The following PPP1R16B variants were observed in gnomAD, a reference collection of about 807,000 sequenced individuals.
PPP1R16B encodes protein phosphatase 1 regulatory subunit 16B.
PPP1R16B carries 14 observed loss-of-function variants against 61.7 expected under a neutral mutation model. The observed-to-expected ratio is 0.23, with a 90% CI of 0.15 to 0.35. The LOEUF (loss-of-function observed/expected upper bound fraction) is 0.35, where lower values mean the gene tolerates loss of function less well. Among genes scored for constraint, PPP1R16B ranks in the 10% least tolerant of loss-of-function variants. The pLI, the probability that PPP1R16B is intolerant of heterozygous loss-of-function variation, is 1.00. For synonymous variants in PPP1R16B, 266 were observed against 305.3 expected, an observed-to-expected ratio of 0.87 and a Z score of 1.34; for missense variants, 547 against 752.5, an observed-to-expected ratio of 0.73 and a Z score of 3.19.
intron 2 of PPP1R16B, among the ~76,000 whole-genome samples, chr20:38,849,891 G>A (rs569318732): frequency 1.3e-5 from 2 of 152,260 alleles, no homozygotes; most frequent in East Asian, 3.9e-4. Context: ...ATCTTGTTGA[G>A]TTTTGAGCCC....
chr20:38,889,576 C>T lies in PPP1R16B; in HGVS notation c.251-19C>T. The T allele has an allele frequency of 6.4e-7, 1 of 1,554,404 alleles. No homozygotes were observed. The highest frequency in any genetic ancestry group is 8.9e-7 in the Non-Finnish European group (1 of 1,125,592). On this transcript the variant is annotated intron_variant, in intron 2 of 10. Coordinates refer to ENST00000299824, the MANE Select transcript of PPP1R16B (RefSeq NM_015568.4). ...CCAGTGTGCAACGGGAAGCTCACTC[C>T]TGTACCCTCCTATTGCAGTACGCTA...
intron 1 of PPP1R16B, among the ~76,000 whole-genome samples, chr20:38,821,399 T>C (rs1395647271): frequency 6.6e-6 from 1 of 152,232 alleles, no homozygotes; most frequent in Non-Finnish European, 1.5e-5. Context: ...GGGGAAGCAC[T>C]ATGAAGCTCT....
intron 1 of PPP1R16B, 113 bp from the exon 2 acceptor site, chr20:38,835,712 G>A (rs1421210415): frequency 6.9e-6 from 4 of 576,012 alleles, no homozygotes; most frequent in Non-Finnish European, 1.2e-5. Flanking sequence ...CTCTTGAGGA[G>A]CAATGGAAGG....
At chr20:38,837,900 T>C (rs1223820568) in intron 2 of PPP1R16B, among the ~76,000 whole-genome samples, 5 of 152,228 alleles carry the variant, frequency 3.3e-5, no homozygotes, top group Admixed American at 2.6e-4. Flanking sequence ...AATTTAATTA[T>C]ATTATTTTTG....
chr20:38,894,152 C>T (rs1305765530), intron 3 of PPP1R16B, among the ~76,000 whole-genome samples: 1 of 147,524 alleles, frequency 6.8e-6, no homozygotes, highest in Non-Finnish European at 1.5e-5. Context: ...CCGGCTGGCG[C>T]AGAAAGAACC....
chr20:38,910,949 C>G (rs570390714), intron 10 of PPP1R16B, among the ~76,000 whole-genome samples: 1 of 151,658 alleles, frequency 6.6e-6, no homozygotes, highest in Non-Finnish European at 1.5e-5. Flanking sequence ...AAGCCAAGAT[C>G]GAGCCACTGC....
At chr20:38,885,730 A>C (rs538985986) in intron 2 of PPP1R16B, among the ~76,000 whole-genome samples, 1 of 152,334 alleles carries the variant, frequency 6.6e-6, no homozygotes, top group East Asian at 1.9e-4. Context: ...TTCTGAATTG[A>C]CCGAGGTGCA....
chr20:38,903,435 C>T (rs760998592), intron 6 of PPP1R16B, among the ~76,000 whole-genome samples: 2 of 152,174 alleles, frequency 1.3e-5, no homozygotes, highest in Non-Finnish European at 2.9e-5. Flanking sequence ...GCCTCATCAG[C>T]TCCCCTGATA....
chr20:38,905,836 G>T, intron 6 of PPP1R16B, 133 bp from the exon 7 acceptor site: 1 of 886,792 alleles, frequency 1.1e-6, no homozygotes, highest in Non-Finnish European at 1.7e-6. Flanking sequence ...AATGTGACTG[G>T]TATTTCCATT....
intron 1 of PPP1R16B, among the ~76,000 whole-genome samples, chr20:38,827,499 G>A (rs2084811957): frequency 6.6e-6 from 1 of 152,200 alleles, no homozygotes; most frequent in Non-Finnish European, 1.5e-5. Context: ...TGGGCTTCAG[G>A]GGACAGTGAC....
chr20:38,866,318 T>G (rs2085090509), intron 2 of PPP1R16B, among the ~76,000 whole-genome samples: 1 of 151,966 alleles, frequency 6.6e-6, no homozygotes, highest in Non-Finnish European at 1.5e-5. Flanking sequence ...CACCTCTGGG[T>G]TCTACCCCAG....
chr20:38,862,835 C>G (rs1357765876), intron 2 of PPP1R16B, among the ~76,000 whole-genome samples: 1 of 152,208 alleles, frequency 6.6e-6, no homozygotes, highest in African/African-American at 2.4e-5. Flanking sequence ...TCAGTTATGG[C>G]CTTTGGAGGC....
chr20:38,916,598 A>G (rs2085543391), intron 10 of PPP1R16B, among the ~76,000 whole-genome samples: 1 of 151,896 alleles, frequency 6.6e-6, no homozygotes, highest in African/African-American at 2.4e-5. Flanking sequence ...AATGAGAGAG[A>G]AAATCTGTGA....
At chr20:38,825,094 G>C (rs2084797521) in intron 1 of PPP1R16B, among the ~76,000 whole-genome samples, 1 of 152,244 alleles carries the variant, frequency 6.6e-6, no homozygotes, top group Admixed American at 6.5e-5. Flanking sequence ...TTCTGAAATG[G>C]AGAGAGTGGT....
chr20:38,895,362 C>T (rs376584312), intron 3 of PPP1R16B, among the ~76,000 whole-genome samples: 1 of 150,762 alleles, frequency 6.6e-6, no homozygotes, highest in South Asian at 2.1e-4. Flanking sequence ...TTTTTACTCA[C>T]AAGGAGACTG....
intron 2 of PPP1R16B, among the ~76,000 whole-genome samples, chr20:38,862,262 G>A (rs1385584596): frequency 6.6e-6 from 1 of 152,240 alleles, no homozygotes; most frequent in Non-Finnish European, 1.5e-5. Flanking sequence ...AAGAGACAAA[G>A]GCAATGTTAG....
chr20:38,860,437 C>T (rs996516132), intron 2 of PPP1R16B, among the ~76,000 whole-genome samples: 2 of 152,186 alleles, frequency 1.3e-5, no homozygotes, highest in Non-Finnish European at 2.9e-5. Context: ...ATTGATGCAC[C>T]ATATGTTGAT....
At chr20:38,899,380 C>G (rs886214101) in intron 4 of PPP1R16B, among the ~76,000 whole-genome samples, 7 of 152,206 alleles carry the variant, frequency 4.6e-5, no homozygotes, top group African/African-American at 1.7e-4. Flanking sequence ...GGTCCCAAAG[C>G]TGATCGGTAT....
chr20:38,917,714 T>C (rs2085553783), intron 10 of PPP1R16B, among the ~76,000 whole-genome samples: 1 of 152,194 alleles, frequency 6.6e-6, no homozygotes, highest in South Asian at 2.1e-4. Flanking sequence ...ATGCAGTCTC[T>C]CTTAGCCTTT....
Sources: gnomAD v4.1 joint callset for allele counts (sites outside exome capture counted in the v4.1 genomes callset) on GRCh38, gnomAD v4.1.1 for gene constraint, MANE v1.5 for transcripts, NCBI Gene and HGNC (gene_info 2026-07-23, HGNC 2026-07-21) for gene names.